The following RASGRP1 variants were observed in gnomAD, a reference collection of about 807,000 sequenced individuals.
The protein encoded by RASGRP1 is RAS guanyl-releasing protein 1.
RASGRP1 carries 37 observed loss-of-function variants against 95.1 expected under a neutral mutation model. The observed-to-expected ratio is 0.39, with a 90% CI of 0.30 to 0.51. The LOEUF is 0.51. Ranked by LOEUF, RASGRP1 falls within the 20% of genes least tolerant of loss-of-function variation. The pLI, the probability that RASGRP1 is intolerant of heterozygous loss-of-function variation, is 0.80. For synonymous variants in RASGRP1, 325 were observed against 353.4 expected, an observed-to-expected ratio of 0.92 and a Z score of 0.90; for missense variants, 711 against 965.4, an observed-to-expected ratio of 0.74 and a Z score of 3.49.
At chr15:38,502,567 T>A in intron 11 of RASGRP1, 146 bp from the exon 12 acceptor site, 1 of 607,914 alleles carries the variant, frequency 1.6e-6, no homozygotes, top group Non-Finnish European at 2.9e-6. Flanking sequence ...CCTTTAGCTG[T>A]GGCAAAGATG....
intron 1 of RASGRP1, among the ~76,000 whole-genome samples, chr15:38,564,283 G>A (rs1049323885): frequency 3.3e-5 from 5 of 152,288 alleles, no homozygotes; most frequent in South Asian, 4.1e-4. Context: ...GTGGAGATGT[G>A]GGGGAGGAAG....
chr15:38,546,211 CTTTA>C (rs147123769), intron 2 of RASGRP1, among the ~76,000 whole-genome samples: 5,555 of 149,740 alleles, frequency 0.037, 360 homozygotes, highest in African/African-American at 0.13. Context: ...TAAATTATAA[CTTTA>C]TTTATTTATT....
intron 2 of RASGRP1, among the ~76,000 whole-genome samples, chr15:38,557,396 G>A (rs1347239135): frequency 6.6e-6 from 1 of 152,140 alleles, no homozygotes; most frequent in African/African-American, 2.4e-5. Flanking sequence ...AAACTCTGCA[G>A]TACATAATAC....
intron 2 of RASGRP1, among the ~76,000 whole-genome samples, chr15:38,555,873 G>T (rs759100118): frequency 6.6e-6 from 1 of 152,158 alleles, no homozygotes; most frequent in Non-Finnish European, 1.5e-5. Flanking sequence ...GTGTATGTGT[G>T]TTGGGGGGGC....
chr15:38,563,055 A>G (rs1893878191), intron 1 of RASGRP1, among the ~76,000 whole-genome samples: 2 of 152,212 alleles, frequency 1.3e-5, no homozygotes. Context: ...GCCAAAGTGC[A>G]GCCTCAGAGT....
chr15:38,558,801 T>C (rs1401466325), intron 2 of RASGRP1, among the ~76,000 whole-genome samples: 2 of 152,238 alleles, frequency 1.3e-5, no homozygotes, highest in African/African-American at 4.8e-5. Context: ...TATTTCCCAA[T>C]TCTATACATA....
intron 2 of RASGRP1, among the ~76,000 whole-genome samples, chr15:38,530,354 T>C (rs1373027093): frequency 2.0e-5 from 3 of 152,226 alleles, no homozygotes; most frequent in Non-Finnish European, 4.4e-5. Context: ...CAAGTCACAC[T>C]ACTGAATATA....
At chr15:38,558,624 C>T (rs1893670897) in intron 2 of RASGRP1, among the ~76,000 whole-genome samples, 1 of 152,168 alleles carries the variant, frequency 6.6e-6, no homozygotes, top group Non-Finnish European at 1.5e-5. Flanking sequence ...TGGGGCCCAG[C>T]AATGTGTGCT....
chr15:38,490,701 G>A lies in RASGRP1; in HGVS notation c.2260-13C>T, dbSNP rs763552301. On this transcript the variant is annotated splice_polypyrimidine_tract_variant and intron_variant, in intron 16 of 16. Transcript: ENST00000310803. ...GAGTATTTATTTCCTAAAGGGAAAGGAGAATGAGGTATGTTAATAAAGCAG... is the reference window on the plus strand; with the variant it reads ...GAGTATTTATTTCCTAAAGGGAAAGAAGAATGAGGTATGTTAATAAAGCAG... The A allele has an allele frequency of 1.7e-5, 27 of 1,604,410 alleles. No individual in the cohort carries two copies. The highest frequency in any genetic ancestry group is 2.1e-5 in the Non-Finnish European group (25 of 1,175,086).
At chr15:38,519,595 C>T (rs55639060) in intron 3 of RASGRP1, among the ~76,000 whole-genome samples, 14,364 of 152,154 alleles carry the variant, frequency 0.094, 857 homozygotes, top group South Asian at 0.17. Flanking sequence ...CTCCAGCCCA[C>T]GTCGACCTGG....
At chr15:38,548,413 T>C (rs1344798655) in intron 2 of RASGRP1, among the ~76,000 whole-genome samples, 1 of 151,950 alleles carries the variant, frequency 6.6e-6, no homozygotes, top group Admixed American at 6.6e-5. Context: ...AAAATACGCA[T>C]ACACACACAA....
intron 14 of RASGRP1, 118 bp from the exon 15 acceptor site, chr15:38,499,064 G>T: frequency 1.5e-6 from 2 of 1,350,282 alleles, no homozygotes; most frequent in South Asian, 1.2e-5. Context: ...ATCTTCTGGA[G>T]CTAAGACACT....
chr15:38,495,812 T>A (rs1026372610), intron 15 of RASGRP1, among the ~76,000 whole-genome samples: 2 of 152,176 alleles, frequency 1.3e-5, no homozygotes, highest in African/African-American at 4.8e-5. Context: ...GGGTGATTAT[T>A]TTTTATATCT....
chr15:38,540,416 T>G (rs1892818432), intron 2 of RASGRP1, among the ~76,000 whole-genome samples: 1 of 151,954 alleles, frequency 6.6e-6, no homozygotes, highest in Admixed American at 6.6e-5. Context: ...CACAAAACAG[T>G]AACTGGGCAC....
intron 9 of RASGRP1, among the ~76,000 whole-genome samples, chr15:38,507,456 G>A (rs769898449): frequency 6.6e-6 from 1 of 152,156 alleles, no homozygotes; most frequent in Non-Finnish European, 1.5e-5. Context: ...TTTTGTAGAG[G>A]TAGTGAAACA....
Position 38,490,521 on chromosome 15 carries a change from C to CTCA in RASGRP1, c.*30_*32dup. 6.2e-7 allele frequency: 1 copy of CTCA among 1,602,172 alleles called. No individual in the cohort carries two copies. The highest frequency in any genetic ancestry group is 1.7e-4 in the Middle Eastern group (1 of 5,986). ...CAGTTTAGGAAATGAGATCACTATACTCATCTACAGATTGTGCTACTTAGT... is the reference window on the plus strand; with the variant it reads ...CAGTTTAGGAAATGAGATCACTATACTCATCATCTACAGATTGTGCTACTTAGT... On this transcript the variant is annotated 3_prime_UTR_variant, in exon 17 of 17. Coordinates refer to ENST00000310803, the MANE Select transcript of RASGRP1 (RefSeq NM_005739.4).
intron 3 of RASGRP1, among the ~76,000 whole-genome samples, chr15:38,525,102 G>C (rs1443499160): frequency 2.6e-4 from 40 of 151,880 alleles, no homozygotes; most frequent in Admixed American, 2.6e-3. Flanking sequence ...TGAGTAGCTG[G>C]AATTACAGGC....
At chr15:38,564,474 C>T (rs1194057051) in intron 1 of RASGRP1, 120 bp downstream of exon 1, 17 of 1,029,186 alleles carry the variant, frequency 1.7e-5, no homozygotes, top group Admixed American at 4.5e-5. Flanking sequence ...CCCGGGACTC[C>T]GGCCGACCCC....
Position 38,494,441 on chromosome 15 carries a change from TGAGG to T in RASGRP1, c.2196_2199del (p.Leu733Ter), listed in dbSNP as rs1566907313. On this transcript the variant is annotated frameshift_variant, in exon 16 of 17. Transcript: ENST00000310803. LOFTEE classifies it high-confidence loss of function. The stretch of plus-strand genomic sequence containing the variant: ...TGACGGAGCTCCTCCTTTGATTTTA[TGAGG>T]GAGTCTTTATTCTCCCACTTGACAA... The T allele has an allele frequency of 2.5e-6, 4 of 1,613,636 alleles. No individual in the cohort carries two copies. The highest frequency in any genetic ancestry group is 1.7e-5 in the Admixed American group (1 of 59,994).
Sources: allele counts gnomAD v4.1 joint callset (sites outside exome capture counted in the v4.1 genomes callset), GRCh38; gene constraint gnomAD v4.1.1; transcripts MANE v1.5; gene names NCBI Gene and HGNC (gene_info 2026-07-23, HGNC 2026-07-21).